Variants in CORO2B observed in about 807,000 individuals in gnomAD.
CORO2B encodes the protein coronin 2B.
In CORO2B, 26 loss-of-function variants were observed where a neutral mutation model predicts 58.8. That is an observed-to-expected ratio of 0.44 (90% CI 0.32 to 0.61). The LOEUF (loss-of-function observed/expected upper bound fraction) is 0.61. CORO2B is among the 20% of genes least tolerant of loss of function. The pLI is 0.04. For synonymous variants in CORO2B, 242 were observed against 253.8 expected (o/e 0.95, Z 0.44); for missense variants, 460 against 645.1 (o/e 0.71, Z 3.11).
At chr15:68,721,465 A>G (rs1177835797) in intron 11 of CORO2B, among the ~76,000 whole-genome samples, 3 of 152,028 alleles carry the variant, frequency 2.0e-5, no homozygotes, top group Non-Finnish European at 4.4e-5. Context: ...CAGCACGTTG[A>G]GAGGCCAAGG....
At chr15:68,668,779 C>T (rs1902280559) in intron 2 of CORO2B, among the ~76,000 whole-genome samples, 1 of 152,162 alleles carries the variant, frequency 6.6e-6, no homozygotes, top group Non-Finnish European at 1.5e-5. Context: ...CAACACACCC[C>T]ATAGAAAGCC....
At chr15:68,641,860 A>G (rs1218899740) in intron 1 of CORO2B, among the ~76,000 whole-genome samples, 1 of 151,950 alleles carries the variant, frequency 6.6e-6, no homozygotes, top group Non-Finnish European at 1.5e-5. Context: ...AGTAGCTGAG[A>G]CTATAGGTGT....
chr15:68,554,964 G>A, the CORO2B span, among the ~76,000 whole-genome samples: 1 of 152,286 alleles, frequency 6.6e-6, no homozygotes, highest in Non-Finnish European at 1.5e-5. Context: ...CTGTGTGAGC[G>A]CAGAAAGGAA....
At chr15:68,720,102 T>C (rs1412116686) in intron 11 of CORO2B, among the ~76,000 whole-genome samples, 1 of 152,202 alleles carries the variant, frequency 6.6e-6, no homozygotes, top group Non-Finnish European at 1.5e-5. Flanking sequence ...GCCAACATGG[T>C]TTAGCTCAGC....
intron 1 of CORO2B, among the ~76,000 whole-genome samples, chr15:68,595,875 G>GGA (rs764136413): frequency 1.3e-5 from 2 of 152,300 alleles, no homozygotes; most frequent in East Asian, 1.9e-4. Flanking sequence ...CTGGTGAGAC[G>GGA]GAGCGGGCGT....
At chr15:68,559,497 G>C in the CORO2B span, 3 of 636,110 alleles carry the variant, frequency 4.7e-6, no homozygotes, top group Non-Finnish European at 5.9e-6. This position sits in a 1 kb window ranked among gnomAD's most constrained non-coding sequence, Gnocchi z 4.3. Context: ...ACGGAGAAGG[G>C]AGCGTCAGCG....
At chr15:68,519,211 G>A in the CORO2B span, among the ~76,000 whole-genome samples, 1 of 152,164 alleles carries the variant, frequency 6.6e-6, no homozygotes, top group Admixed American at 6.5e-5. Context: ...ATGTGGCCAG[G>A]ACAGACAAGG....
the CORO2B span, among the ~76,000 whole-genome samples, chr15:68,553,944 C>G: frequency 6.6e-6 from 1 of 152,210 alleles, no homozygotes; most frequent in East Asian, 1.9e-4. Context: ...ACCAATCTAA[C>G]TGCAATCTTA....
At chr15:68,584,837 G>A (rs1400828562) in intron 1 of CORO2B, among the ~76,000 whole-genome samples, 1 of 152,150 alleles carries the variant, frequency 6.6e-6, no homozygotes, top group East Asian at 1.9e-4. Context: ...GCTGGCATGG[G>A]GCAGGCCTTG....
At chr15:68,558,375 AT>A in the CORO2B span, among the ~76,000 whole-genome samples, 17 of 147,830 alleles carry the variant, frequency 1.1e-4, no homozygotes, top group South Asian at 2.1e-4. Flanking sequence ...CCCCCTCACC[AT>A]TTTTTTTTTA....
chr15:68,701,516 C>T (rs1271559843), intron 3 of CORO2B, among the ~76,000 whole-genome samples: 1 of 85,028 alleles, frequency 1.2e-5, no homozygotes, highest in Non-Finnish European at 2.2e-5. Flanking sequence ...GACGGAGTTT[C>T]GCTCTGTCGC....
intron 2 of CORO2B, among the ~76,000 whole-genome samples, chr15:68,653,074 T>A (rs1173624180): frequency 6.6e-6 from 1 of 152,056 alleles, no homozygotes; most frequent in East Asian, 1.9e-4. Context: ...CAGCAGATCT[T>A]GGGGAAGCTT....
chr15:68,718,850 A>G, intron 9 of CORO2B, 40 bp downstream of exon 9: 1 of 1,518,496 alleles, frequency 6.6e-7, no homozygotes, highest in Non-Finnish European at 9.1e-7. Flanking sequence ...GGGGGCCTGC[A>G]TCGCCTCTTA....
At chr15:68,637,775 G>A (rs1347445461) in intron 1 of CORO2B, among the ~76,000 whole-genome samples, 2 of 152,128 alleles carry the variant, frequency 1.3e-5, no homozygotes, top group Non-Finnish European at 2.9e-5. Flanking sequence ...TTTCCCAGGG[G>A]GCTTCCTCCC....
the CORO2B span, among the ~76,000 whole-genome samples, chr15:68,542,839 T>C: frequency 6.6e-6 from 1 of 152,238 alleles, no homozygotes; most frequent in South Asian, 2.1e-4. Context: ...AGGAGGGAGA[T>C]GGGAACCTTC....
chr15:68,678,711 G>A (rs58393972), intron 2 of CORO2B, among the ~76,000 whole-genome samples: 5,659 of 152,252 alleles, frequency 0.037, 180 homozygotes, highest in African/African-American at 0.092. Flanking sequence ...GCAGCTGAGC[G>A]TGTCCAGGGA....
intron 1 of CORO2B, among the ~76,000 whole-genome samples, chr15:68,623,905 C>T (rs543750363): frequency 6.6e-6 from 1 of 152,294 alleles, no homozygotes; most frequent in East Asian, 1.9e-4. Context: ...GCACAGACTC[C>T]TTGACTGCTG....
chr15:68,653,462 A>G (rs1394970061), intron 2 of CORO2B, among the ~76,000 whole-genome samples: 2 of 152,128 alleles, frequency 1.3e-5, no homozygotes, highest in Admixed American at 6.5e-5. Flanking sequence ...GCAGGTGCCC[A>G]TCTACTCTGA....
At chr15:68,604,177 G>C (rs1004440623) in intron 1 of CORO2B, among the ~76,000 whole-genome samples, 1 of 152,160 alleles carries the variant, frequency 6.6e-6, no homozygotes, top group Non-Finnish European at 1.5e-5. Context: ...ACGTTCGCTT[G>C]TCAGTATTGT....
Sources: allele counts gnomAD v4.1 joint callset (sites outside exome capture counted in the v4.1 genomes callset), GRCh38; gene constraint gnomAD v4.1.1; non-coding constraint Gnocchi (gnomAD v3.1); transcripts MANE v1.5; gene names NCBI Gene and HGNC (gene_info 2026-07-23, HGNC 2026-07-21).